The following CEACAM5 variants were observed in gnomAD, a reference collection of about 807,000 sequenced individuals.
CEACAM5 encodes CEA cell adhesion molecule 5.
In CEACAM5, 52 loss-of-function variants were observed where a neutral mutation model predicts 63.0. The observed-to-expected ratio is 0.83, with a 90% confidence interval of 0.66 to 1.04. CEACAM5 has a LOEUF of 1.04. Ranked by LOEUF, CEACAM5 falls within the 50% of genes least tolerant of loss-of-function variation. CEACAM5 has a pLI of 0.00. For synonymous variants in CEACAM5, 357 were observed against 351.3 expected (o/e 1.02, Z -0.18); for missense variants, 790 against 864.8 (o/e 0.91, Z 1.08).
chr19:41,712,650 C>T (rs868954256), intron 2 of CEACAM5, among the ~76,000 whole-genome samples: 3 of 152,342 alleles, frequency 2.0e-5, no homozygotes, highest in Admixed American at 6.5e-5. Flanking sequence ...TCTCTCTGTT[C>T]AGGGAGTCAC....
rs1262706221 is a variant in CEACAM5, at chr19:41,715,254, G to A, written c.703+5G>A. On this transcript the variant is annotated splice_donor_5th_base_variant and intron_variant, in intron 3 of 9. Transcript: ENST00000221992. Reference sequence around the variant, plus strand: ...CAGTCATCCTGAATGTCCTCTGTGAGTATATCTGCTCCTCTCTGGCCCAGG... The same window carrying A: ...CAGTCATCCTGAATGTCCTCTGTGAATATATCTGCTCCTCTCTGGCCCAGG... 1.2e-6 allele frequency: 2 copies of A among 1,614,108 alleles called. No individual in the cohort carries two copies. Among genetic ancestry groups the A allele is most frequent in the Non-Finnish European group, 1.7e-6 (2 of 1,180,044 alleles).
chr19:41,717,480 C>T lies in CEACAM5; in HGVS notation c.984C>T (p.Thr328=), dbSNP rs782124247. 3.7e-6 allele frequency: 6 copies of T among 1,613,964 alleles called. No homozygotes were observed. The African/African-American group carries it at 5.3e-5, about 14-fold the overall frequency. ...CAGAGCCACCCAAACCCTTCATCAC[C>T]AGCAACAACTCCAACCCCGTGGAGG... ...VYAEPPKPFI[T]SNNSNPVEDE... is the part of the protein sequence containing the mutation. The change falls in exon 5 of 10, where the codon ACC becomes ACT. Residue 328 remains threonine, a synonymous_variant. Coordinates refer to ENST00000221992, the MANE Select transcript of CEACAM5 (RefSeq NM_004363.6).
rs77118040 is a variant in CEACAM5, at chr19:41,718,916, C to T, written c.1492+534C>T. Among the ~76,000 whole-genome samples, 1,378 of 152,354 alleles carry T rather than the reference C, an allele frequency of 9.0e-3. 8 individuals are homozygous for T. The highest frequency in any genetic ancestry group is 0.015 in the Non-Finnish European group (1,008 of 68,036). Reference sequence around the variant, plus strand: ...CCCTGATTTCACCTGGGGTGGGATCCGGGCATGTGGAGAAGGTGCTCAGGT... The same window carrying T: ...CCCTGATTTCACCTGGGGTGGGATCTGGGCATGTGGAGAAGGTGCTCAGGT... On this transcript the variant is annotated intron_variant, in intron 6 of 9. Coordinates refer to ENST00000221992, the MANE Select transcript of CEACAM5 (RefSeq NM_004363.6).
rs908225765 is a variant in CEACAM5 at position 41,708,653 on chromosome 19, A to G, written c.-79A>G. Reference sequence around the variant, plus strand: ...AGGGAGGAAGGACAGCAGACCAGACAGTCACAGCAGCCTTGACAAAACGTT... The same window carrying G: ...AGGGAGGAAGGACAGCAGACCAGACGGTCACAGCAGCCTTGACAAAACGTT... On this transcript the variant is annotated 5_prime_UTR_variant, in exon 1 of 10. Coordinates refer to ENST00000221992, the MANE Select transcript of CEACAM5 (RefSeq NM_004363.6). 7.9e-7 allele frequency: 1 copy of G among 1,268,330 alleles called. No homozygotes were observed. The highest frequency in any genetic ancestry group is 1.3e-5 in the South Asian group (1 of 79,808). 78.6% of individuals were successfully genotyped at this position (1,268,330 alleles called of 1,614,324 possible).
rs147341917 is a variant in CEACAM5 at position 41,715,014 on chromosome 19, C to T, written c.468C>T (p.Pro156=). 4.4e-4 allele frequency: 710 copies of T among 1,614,192 alleles called. 7 individuals carry two copies. In the East Asian group the frequency reaches 0.015, roughly 34 times the overall value. ...KPSISSNNSK[P]VEDKDAVAFT... Reference sequence around the variant, plus strand: ...CCATCTCCAGCAACAACTCCAAACCCGTGGAGGACAAGGATGCTGTGGCCT... The same window carrying T: ...CCATCTCCAGCAACAACTCCAAACCTGTGGAGGACAAGGATGCTGTGGCCT... The change falls in exon 3 of 10, where the codon CCC becomes CCT. Residue 156 remains proline, a synonymous_variant. Transcript: ENST00000221992.
At chr19:41,716,063 ACT>A (rs1173836947) in intron 4 of CEACAM5, among the ~76,000 whole-genome samples, 159 bp downstream of exon 4, 3 of 151,756 alleles carry the variant, frequency 2.0e-5, no homozygotes, top group Non-Finnish European at 4.4e-5. Context: ...GTCTCTACAG[ACT>A]CTTTTCTTCT....
rs782116365 is a variant in CEACAM5, at chr19:41,720,082, C to T, written c.1645C>T (p.Leu549=). 2 of 1,614,244 alleles carry T rather than the reference C, an allele frequency of 1.2e-6. No individual in the cohort carries two copies. Among genetic ancestry groups the T allele is most frequent in the Non-Finnish European group, 1.7e-6 (2 of 1,180,052 alleles). The change falls in exon 7 of 10, where the codon CTG becomes TTG. Residue 549 remains leucine (L), a synonymous_variant. Transcript: ENST00000221992. ...CCTCCCAGTCAGTCCCAGGCTGCAG[C>T]TGTCCAATGGCAACAGGACCCTCAC... is the stretch of plus-strand genomic sequence containing the variant. The part of the protein sequence containing the change: ...QSLPVSPRLQ[L]SNGNRTLTLF...
In CEACAM5 at chr19:41,717,501, G is replaced by A. The variant is rs1600465634; in HGVS notation, c.1005G>A (p.Val335=). ...TCACCAGCAACAACTCCAACCCCGT[G>A]GAGGATGAGGATGCTGTAGCCTTAA... The part of the protein sequence containing the change: ...PFITSNNSNP[V]EDEDAVALTC... Residue 335 remains valine (V), a synonymous_variant, in exon 5 of 10, where the codon GTG becomes GTA. Transcript: ENST00000221992. 6.2e-7 allele frequency: 1 copy of A among 1,614,200 alleles called. No individual in the cohort carries two copies. Among genetic ancestry groups the A allele is most frequent in the East Asian group, 2.2e-5 (1 of 44,888 alleles).
At chr19:41,713,641 C>G (rs964618568) in intron 2 of CEACAM5, among the ~76,000 whole-genome samples, 1 of 152,220 alleles carries the variant, frequency 6.6e-6, no homozygotes. Flanking sequence ...AGTGTGACTA[C>G]TCTAGGGACT....
At chr19:41,710,126 G>T (rs2072413282) in intron 2 of CEACAM5, 87 bp downstream of exon 2, 16 of 1,535,658 alleles carry the variant, frequency 1.0e-5, no homozygotes, top group Non-Finnish European at 1.1e-5. Context: ...TGTGCCTGTG[G>T]CCCCCTCTGC....
chr19:41,720,352 G>A, intron 7 of CEACAM5, 144 bp downstream of exon 7: 2 of 1,110,392 alleles, frequency 1.8e-6, no homozygotes, highest in East Asian at 2.4e-5. Context: ...CCTGTCCCAG[G>A]AAAATTTGGG....
intron 8 of CEACAM5, among the ~76,000 whole-genome samples, chr19:41,726,596 A>T (rs2072703420): frequency 6.6e-6 from 1 of 152,210 alleles, no homozygotes; most frequent in South Asian, 2.1e-4. Flanking sequence ...AGTGGAGTAG[A>T]AGTGGGAGGA....
Position 41,715,892 on chromosome 19 carries a change from A to G in CEACAM5, c.946A>G (p.Ile316Val), listed in dbSNP as rs2072519450. ...TGLNRTTVTTITVYAEPPKPF... is the reference protein window; with the variant it reads ...TGLNRTTVTTVTVYAEPPKPF... ...CCTCAATAGGACCACAGTCACGACG[A>G]TCACAGTCTATGGTAAGTGGATCCA... Residue 316 changes from isoleucine to valine, a missense_variant, in exon 4 of 10, where the codon ATC becomes GTC. By Grantham distance (29) the Ile-to-Val change is conservative (BLOSUM62 3). Coordinates refer to ENST00000221992, the MANE Select transcript of CEACAM5 (RefSeq NM_004363.6). 1 of 1,613,880 alleles carries G rather than the reference A, an allele frequency of 6.2e-7. No homozygotes were observed. The highest frequency in any genetic ancestry group is 1.7e-5 in the Admixed American group (1 of 59,996).
intron 8 of CEACAM5, among the ~76,000 whole-genome samples, chr19:41,725,702 TTCTC>T (rs1270862403): frequency 1.3e-5 from 2 of 152,238 alleles, no homozygotes. Flanking sequence ...AATTTGAATC[TTCTC>T]TCTTTTTTCT....
At chr19:41,728,970 T>C (rs1226030271) in intron 9 of CEACAM5, among the ~76,000 whole-genome samples, 1 of 152,126 alleles carries the variant, frequency 6.6e-6, no homozygotes, top group Admixed American at 6.5e-5. Context: ...TGTCAAATCA[T>C]TAGTGATGTT....
At chr19:41,713,963 C>T (rs1158193405) in intron 2 of CEACAM5, among the ~76,000 whole-genome samples, 3 of 152,122 alleles carry the variant, frequency 2.0e-5, no homozygotes, top group Non-Finnish European at 2.9e-5. Context: ...GCTTGTAATC[C>T]CAGCACTTTG....
In CEACAM5 at chr19:41,715,858, A is replaced by G. The variant is rs994102303; in HGVS notation, c.912A>G (p.Ser304=). ...SGSYTCQAHN[S]DTGLNRTTVT... is the part of the protein sequence containing the mutation. ...CCTATACGTGCCAAGCCCATAACTC[A>G]GACACTGGCCTCAATAGGACCACAG... The change falls in exon 4 of 10, where the codon TCA becomes TCG. Residue 304 remains serine, a synonymous_variant. Coordinates refer to ENST00000221992, the MANE Select transcript of CEACAM5 (RefSeq NM_004363.6). 18 of 1,614,082 alleles carry G rather than the reference A, an allele frequency of 1.1e-5. No homozygotes were observed. Among genetic ancestry groups the G allele is most frequent in the East Asian group, 6.7e-5 (3 of 44,902 alleles).
intron 1 of CEACAM5, 101 bp from the exon 2 acceptor site, chr19:41,709,579 A>G: frequency 2.1e-6 from 3 of 1,445,002 alleles, no homozygotes; most frequent in Non-Finnish European, 1.9e-6. Flanking sequence ...CACTCACTCC[A>G]GGGCTGGGGG....
chr19:41,726,864 C>T (rs1555817159), intron 8 of CEACAM5, among the ~76,000 whole-genome samples: 1 of 152,162 alleles, frequency 6.6e-6, no homozygotes, highest in African/African-American at 2.4e-5. Context: ...TTCTGCCAAT[C>T]AAGTCCCTGC....
Sources: allele counts gnomAD v4.1 joint callset (sites outside exome capture counted in the v4.1 genomes callset), GRCh38; gene constraint gnomAD v4.1.1; transcripts MANE v1.5; gene names NCBI Gene and HGNC (gene_info 2026-07-23, HGNC 2026-07-21).